Variants in ADORA3 observed in about 807,000 individuals in gnomAD.
The protein encoded by ADORA3 is adenosine A3 receptor.
ADORA3 carries 3 observed loss-of-function variants against 5.7 expected under a neutral mutation model. The observed-to-expected ratio is 0.52, with a 90% confidence interval of 0.24 to 1.35. The LOEUF (loss-of-function observed/expected upper bound fraction) is 1.35, where lower values mean the gene tolerates loss of function less well. ADORA3 is among the 40% of genes most tolerant of loss of function. The pLI is 0.17. For synonymous variants in ADORA3, 168 were observed against 152.3 expected (o/e 1.10, Z -0.76); for missense variants, 343 against 389.0 (o/e 0.88, Z 0.99).
In ADORA3 at chr1:111,500,447, T is replaced by A. The variant is rs1205932500; in HGVS notation, c.460A>T (p.Thr154Ser). 1.2e-6 allele frequency: 2 copies of A among 1,614,038 alleles called. No homozygotes were observed. The highest frequency in any genetic ancestry group is 1.7e-6 in the Non-Finnish European group (2 of 1,180,030). The stretch of plus-strand genomic sequence containing the variant: ...GTGACATTTCTGTGGTACTCTGAGG[T>A]CAGTTTCATGTTCCAGCCAAACATG... The part of the protein sequence containing the change: ...TPMFGWNMKL[T>S]SEYHRNVTFL... Residue 154 changes from threonine (T) to serine (S), a missense_variant, in exon 2 of 2, where the codon ACC (threonine) becomes TCC (serine). By Grantham distance (58) the Thr-to-Ser change is moderately conservative. Coordinates refer to ENST00000241356, the MANE Select transcript of ADORA3 (RefSeq NM_000677.4).
chr1:111,502,726 C>G (rs993584336), intron 1 of ADORA3, among the ~76,000 whole-genome samples: 1 of 151,634 alleles, frequency 6.6e-6, no homozygotes, highest in Non-Finnish European at 1.5e-5. Flanking sequence ...AAGATTTCAT[C>G]ATTTTTAGCC....
In ADORA3 at chr1:111,499,774, T is replaced by G; in HGVS notation, c.*176A>C. On this transcript the variant is annotated 3_prime_UTR_variant, in exon 2 of 2. Coordinates refer to ENST00000241356, the MANE Select transcript of ADORA3 (RefSeq NM_000677.4). ...GAGAAAGGACAAGGGAAAAATGAAG[T>G]GGAGGAAGAGAGTAGTGGAGTGGGG... is the stretch of plus-strand genomic sequence containing the variant. 1 of 1,432,328 alleles carries G rather than the reference T, an allele frequency of 7.0e-7. No homozygotes were observed. The highest frequency in any genetic ancestry group is 9.1e-7 in the Non-Finnish European group (1 of 1,096,428). The allele number at this position is 1,432,328 out of a possible 1,614,324, so 88.7% of individuals were successfully genotyped here. A position where few individuals can be genotyped will look rare whatever the true frequency, so the allele number is the denominator to read the frequency against.
Position 111,500,333 on chromosome 1 carries a change from C to A in ADORA3, c.574G>T (p.Val192Phe). 6.2e-7 allele frequency: 1 copy of A among 1,614,240 alleles called. No individual in the cohort carries two copies. Among genetic ancestry groups the A allele is most frequent in the Non-Finnish European group, 8.5e-7 (1 of 1,180,050 alleles). ...FLTWIFIPLVVMCAIYLDIFY... is the reference protein window; with the variant it reads ...FLTWIFIPLVFMCAIYLDIFY... ...ATGTCAAGATAGATGGCGCACATGACAACCAGGGGGATGAAAATCCAGGTG... is the reference window on the plus strand; with the variant it reads ...ATGTCAAGATAGATGGCGCACATGAAAACCAGGGGGATGAAAATCCAGGTG... Residue 192 changes from valine (V) to phenylalanine (F), a missense_variant, in exon 2 of 2, where the codon GTC becomes TTC. Coordinates refer to ENST00000241356, the MANE Select transcript of ADORA3 (RefSeq NM_000677.4).
Position 111,499,749 on chromosome 1 carries a change from G to A in ADORA3, c.*201C>T. 7.1e-7 allele frequency: 1 copy of A among 1,406,480 alleles called. No homozygotes were observed. The highest frequency in any genetic ancestry group is 9.2e-7 in the Non-Finnish European group (1 of 1,082,142). 87.1% of individuals were successfully genotyped at this position (1,406,480 alleles called of 1,614,324 possible). A position where few individuals can be genotyped will look rare whatever the true frequency, so the allele number is the denominator to read the frequency against. ...CAGGCCTCCAAAACACTGAATTAGA[G>A]AGAAAGGACAAGGGAAAAATGAAGT... On this transcript the variant is annotated 3_prime_UTR_variant, in exon 2 of 2. Transcript: ENST00000241356.
In ADORA3 at chr1:111,502,899, C is replaced by T. The variant is rs1655314864; in HGVS notation, c.350+106G>A. The T allele has an allele frequency of 7.1e-6, 10 of 1,409,168 alleles. 1 individual carries two copies. In the South Asian group the frequency reaches 1.4e-4, roughly 20 times the overall value. The allele number at this position is 1,409,168 out of a possible 1,614,324, so 87.3% of individuals were successfully genotyped here. On this transcript the variant is annotated intron_variant, in intron 1 of 1. Transcript: ENST00000241356. ...GACACTTATTGCCCTCTTTCAACAT[C>T]AAGGGCCAATTTGGATACATTTTTA...
In ADORA3 at chr1:111,503,369, G is replaced by T; in HGVS notation, c.-15C>A. On this transcript the variant is annotated 5_prime_UTR_variant, in exon 1 of 2. Transcript: ENST00000241356. ...TTGTTGGGCATCTTGCCTTCCCAGG[G>T]GAACCTCCACAGGGACAGGTGAGCC... 1 of 1,598,688 alleles carries T rather than the reference G, an allele frequency of 6.3e-7. No individual in the cohort carries two copies. The highest frequency in any genetic ancestry group is 2.2e-5 in the East Asian group (1 of 44,598).
In ADORA3 at chr1:111,503,157, C is replaced by T; in HGVS notation, c.198G>A (p.Met66Ile). The change falls in exon 1 of 2, where the codon ATG becomes ATA. Residue 66 changes from methionine to isoleucine, a missense_variant. By Grantham distance (10) the Met-to-Ile change is conservative. Coordinates refer to ENST00000241356, the MANE Select transcript of ADORA3 (RefSeq NM_000677.4). ...CCAGGCTGACAACAATGGCCAAAGG[C>T]ATGACCAGCACCCCAACAGCAATGT... ...LADIAVGVLVMPLAIVVSLGI... is the reference protein window; with the variant it reads ...LADIAVGVLVIPLAIVVSLGI... 1.9e-6 allele frequency: 3 copies of T among 1,614,214 alleles called. No homozygotes were observed. In the South Asian group the frequency reaches 3.3e-5, roughly 18 times the overall value.
chr1:111,503,575 C>A lies in ADORA3; in HGVS notation c.-221G>T, dbSNP rs41282522. ...ATCACAGGTGGGTCACTTCCAGCCCCTTTATGCACCGCACATCCTCAAGTT... is the reference window on the plus strand; with the variant it reads ...ATCACAGGTGGGTCACTTCCAGCCCATTTATGCACCGCACATCCTCAAGTT... On this transcript the variant is annotated 5_prime_UTR_variant, in exon 1 of 2. The change creates a new upstream start codon in the 5' untranslated region. Transcript: ENST00000241356. 5.8e-6 allele frequency: 8 copies of A among 1,373,232 alleles called. No homozygotes were observed. Among genetic ancestry groups the A allele is most frequent in the Non-Finnish European group, 7.5e-6 (8 of 1,061,632 alleles). The allele number at this position is 1,373,232 out of a possible 1,614,324, so 85.1% of individuals were successfully genotyped here.
At position 111,500,524 on chromosome 1, in the gene ADORA3, C is replaced by T. The variant is rs1366555268; in HGVS notation, c.383G>A (p.Trp128Ter). 7.4e-6 allele frequency: 12 copies of T among 1,614,046 alleles called. No homozygotes were observed. The highest frequency in any genetic ancestry group is 1.0e-5 in the Non-Finnish European group (12 of 1,180,028). ...CAGCCAGCAAAGGCCCAGGGCCAGC[C>T]ATATTCTTCTGTGAGTGGTGACCCT... ...YKRVTTHRRI[W>*]LALGLCWLVS... The change falls in exon 2 of 2, where the codon TGG becomes TAG. Residue 128 changes from tryptophan to a stop codon, truncating the protein, a stop_gained. Transcript: ENST00000241356. LOFTEE classifies it low-confidence loss of function (END_TRUNC).
In ADORA3 at chr1:111,503,439, C is replaced by A. The variant is rs1017096647; in HGVS notation, c.-85G>T. 2.5e-5 allele frequency: 37 copies of A among 1,497,278 alleles called. No individual in the cohort carries two copies. Among genetic ancestry groups the A allele is most frequent in the Middle Eastern group, 1.8e-4 (1 of 5,510 alleles). The allele number at this position is 1,497,278 out of a possible 1,614,324, so 92.7% of individuals were successfully genotyped here. On this transcript the variant is annotated 5_prime_UTR_variant, in exon 1 of 2. Coordinates refer to ENST00000241356, the MANE Select transcript of ADORA3 (RefSeq NM_000677.4). Reference sequence around the variant, plus strand: ...GCCAGTGGGCCTAGCTCTCGCCAGACGTCTTCCCAGAGGTCCATGTGCAGT... The same window carrying A: ...GCCAGTGGGCCTAGCTCTCGCCAGAAGTCTTCCCAGAGGTCCATGTGCAGT...
Position 111,503,021 on chromosome 1 carries a change from C to T in ADORA3, c.334G>A (p.Val112Ile). The change falls in exon 1 of 2, where the codon GTC (valine) becomes ATC (isoleucine). Residue 112 changes from valine (V) to isoleucine (I), a missense_variant. Coordinates refer to ENST00000241356, the MANE Select transcript of ADORA3 (RefSeq NM_000677.4). ...GCAGGCTACCTGACGGTAAGCTTGA[C>T]CCGCAAGTATCGGTCCACAGCGATG... is the stretch of plus-strand genomic sequence containing the variant. Reference protein sequence around the residue: ...LAIAVDRYLRVKLTVRYKRVT... With the variant: ...LAIAVDRYLRIKLTVRYKRVT... 1 of 1,614,018 alleles carries T rather than the reference C, an allele frequency of 6.2e-7. No homozygotes were observed. Among genetic ancestry groups the T allele is most frequent in the Non-Finnish European group, 8.5e-7 (1 of 1,179,918 alleles).
chr1:111,500,523 C>T lies in ADORA3; in HGVS notation c.384G>A (p.Trp128Ter). 6.2e-7 allele frequency: 1 copy of T among 1,614,142 alleles called. No homozygotes were observed. The highest frequency in any genetic ancestry group is 8.5e-7 in the Non-Finnish European group (1 of 1,180,008). Reference protein sequence around the residue: ...YKRVTTHRRIWLALGLCWLVS... With the variant: ...YKRVTTHRRI ...CCAGCCAGCAAAGGCCCAGGGCCAG[C>T]CATATTCTTCTGTGAGTGGTGACCC... The change falls in exon 2 of 2, where the codon TGG becomes TGA. Residue 128 changes from tryptophan to a stop codon, truncating the protein, a stop_gained. Coordinates refer to ENST00000241356, the MANE Select transcript of ADORA3 (RefSeq NM_000677.4). LOFTEE classifies it low-confidence loss of function (END_TRUNC).
intron 1 of ADORA3, among the ~76,000 whole-genome samples, chr1:111,502,094 GGA>G (rs1173876371): frequency 1.6e-4 from 12 of 75,942 alleles, no homozygotes; most frequent in East Asian, 9.4e-4. Flanking sequence ...AATATATATA[GGA>G]GATATATATT....
In ADORA3 at chr1:111,500,339, G is replaced by A. The variant is rs746647527; in HGVS notation, c.568C>T (p.Leu190=). The A allele has an allele frequency of 1.9e-6, 3 of 1,614,240 alleles. No homozygotes were observed. The highest frequency in any genetic ancestry group is 2.2e-5 in the East Asian group (1 of 44,890). Residue 190 remains leucine (L), a synonymous_variant, in exon 2 of 2, where the codon CTG becomes TTG. Transcript: ENST00000241356. ...FSFLTWIFIP[L]VVMCAIYLDI... is the part of the protein sequence containing the mutation. The stretch of plus-strand genomic sequence containing the variant: ...AGATAGATGGCGCACATGACAACCA[G>A]GGGGATGAAAATCCAGGTGAGGAAG...
rs1557824066 is a variant in ADORA3 at position 111,502,138 on chromosome 1, A to ATATAATAAATATATAGGATATATATTTAT, written c.350+838_350+866dup. Among the ~76,000 whole-genome samples the ATATAATAAATATATAGGATATATATTTAT allele has an allele frequency of 1.1e-3, 33 of 29,424 alleles. 2 individuals are homozygous for ATATAATAAATATATAGGATATATATTTAT. Among genetic ancestry groups the ATATAATAAATATATAGGATATATATTTAT allele is most frequent in the East Asian group, 5.4e-3 (7 of 1,292 alleles). 19.3% of individuals were successfully genotyped at this position (29,424 alleles called of 152,430 possible). A position where few individuals can be genotyped will look rare whatever the true frequency, so the allele number is the denominator to read the frequency against. On this transcript the variant is annotated intron_variant, in intron 1 of 1. Transcript: ENST00000241356. ...AATAAATATATAGGATATATATTTA[A>ATATAATAAATATATAGGATATATATTTAT]TATAATAAATATATAGGATATATAT...
rs1655082316 is a variant in ADORA3, at chr1:111,500,048, T to C, written c.859A>G (p.Lys287Glu). Residue 287 changes from lysine to glutamate, a missense_variant, in exon 2 of 2, where the codon AAG becomes GAG. Transcript: ENST00000241356. Reference sequence around the variant, plus strand: ...AAAAGGTAGGTTTCCTTGAACTTCTTTATTTTATAGGCATAGACGATAGGG... The same window carrying C: ...AAAAGGTAGGTTTCCTTGAACTTCTCTATTTTATAGGCATAGACGATAGGG... Reference protein sequence around the residue: ...MNPIVYAYKIKKFKETYLLIL... With the variant: ...MNPIVYAYKIEKFKETYLLIL... The C allele has an allele frequency of 1.9e-6, 3 of 1,614,134 alleles. No homozygotes were observed. Among genetic ancestry groups the C allele is most frequent in the Admixed American group, 1.7e-5 (1 of 60,012 alleles).
At position 111,500,039 on chromosome 1, in the gene ADORA3, T is replaced by C; in HGVS notation, c.868A>G (p.Lys290Glu). The C allele has an allele frequency of 6.2e-7, 1 of 1,614,248 alleles. No homozygotes were observed. The highest frequency in any genetic ancestry group is 1.1e-5 in the South Asian group (1 of 91,084). ...IVYAYKIKKF[K>E]ETYLLILKAC... Reference sequence around the variant, plus strand: ...TTGAGGATCAAAAGGTAGGTTTCCTTGAACTTCTTTATTTTATAGGCATAG... The same window carrying C: ...TTGAGGATCAAAAGGTAGGTTTCCTCGAACTTCTTTATTTTATAGGCATAG... The change falls in exon 2 of 2, where the codon AAG becomes GAG. Residue 290 changes from lysine (K) to glutamate (E), a missense_variant. Physicochemically the swap from Lys to Glu is moderately conservative, Grantham distance 56. Coordinates refer to ENST00000241356, the MANE Select transcript of ADORA3 (RefSeq NM_000677.4).
chr1:111,502,868 CAA>C (rs1655312645), intron 1 of ADORA3, 135 bp downstream of exon 1: 1 of 1,133,898 alleles, frequency 8.8e-7, no homozygotes. Context: ...GACCATATCA[CAA>C]AAAGACACTT....
Position 111,503,618 on chromosome 1 carries a change from C to G in ADORA3, c.-264G>C. 1 of 1,299,208 alleles carries G rather than the reference C, an allele frequency of 7.7e-7. No homozygotes were observed. The highest frequency in any genetic ancestry group is 9.8e-7 in the Non-Finnish European group (1 of 1,015,310). The allele number at this position is 1,299,208 out of a possible 1,614,324, so 80.5% of individuals were successfully genotyped here. A position where few individuals can be genotyped will look rare whatever the true frequency, so the allele number is the denominator to read the frequency against. ...CTCAAGTTTCCAGAATGCTGTAGGA[C>G]AGCTCTATATGGACTGAATCTGAAA... On this transcript the variant is annotated 5_prime_UTR_variant, in exon 1 of 2. Coordinates refer to ENST00000241356, the MANE Select transcript of ADORA3 (RefSeq NM_000677.4).
Sources: gnomAD v4.1 joint callset for allele counts (sites outside exome capture counted in the v4.1 genomes callset) on GRCh38, gnomAD v4.1.1 for gene constraint, MANE v1.5 for transcripts, NCBI Gene and HGNC (gene_info 2026-07-23, HGNC 2026-07-21) for gene names.